GPC5: variants seen among roughly 807,000 people sequenced by gnomAD.
GPC5 encodes the protein glypican-5.
Under a neutral mutation model 53.9 loss-of-function variants are expected in GPC5, and 47 were observed. That is an observed-to-expected ratio of 0.87 (90% confidence interval 0.69 to 1.11). The LOEUF (loss-of-function observed/expected upper bound fraction) is 1.11. Among genes scored for constraint, GPC5 ranks in the 50% most tolerant of loss-of-function variants. GPC5 has a pLI of 0.00. For synonymous variants in GPC5, 286 were observed against 263.3 expected (o/e 1.09, Z -0.84); for missense variants, 748 against 713.1 (o/e 1.05, Z -0.56).
At chr13:92,556,014 T>C (rs115714024) in intron 7 of GPC5, among the ~76,000 whole-genome samples, 1,998 of 151,818 alleles carry the variant, frequency 0.013, 38 homozygotes, top group African/African-American at 0.046. Flanking sequence ...TGAATCACTT[T>C]CAGTAACTTT....
At chr13:91,801,253 T>TTGTGTGTGTGTGTGTGTG (rs71113762) in intron 5 of GPC5, among the ~76,000 whole-genome samples, 4 of 146,298 alleles carry the variant, frequency 2.7e-5, no homozygotes, top group East Asian at 4.2e-4. Flanking sequence ...CATCCATACT[T>TTGTGTGTGTGTGTGTGTG]TGTGTGTGTG....
At chr13:92,215,353 C>G (rs904143802) in intron 7 of GPC5, among the ~76,000 whole-genome samples, 2 of 152,100 alleles carry the variant, frequency 1.3e-5, no homozygotes, top group South Asian at 4.1e-4. Context: ...CTTGCATCAC[C>G]CTTTTAATTG....
At chr13:92,841,768 T>C (rs907840853) in intron 7 of GPC5, among the ~76,000 whole-genome samples, 1 of 152,154 alleles carries the variant, frequency 6.6e-6, no homozygotes, top group African/African-American at 2.4e-5. Flanking sequence ...TTATATAATC[T>C]GTAAGTGCCT....
At chr13:91,713,214 T>C (rs1484608955) in intron 3 of GPC5, among the ~76,000 whole-genome samples, 1 of 150,682 alleles carries the variant, frequency 6.6e-6, no homozygotes, top group Non-Finnish European at 1.5e-5. Flanking sequence ...AATAAATAAA[T>C]AAATAAGTCA....
At chr13:92,100,668 A>G (rs2041459259) in intron 6 of GPC5, among the ~76,000 whole-genome samples, 1 of 152,178 alleles carries the variant, frequency 6.6e-6, no homozygotes, top group Admixed American at 6.5e-5. Flanking sequence ...TTGAATTGGC[A>G]TTTTATATCC....
At chr13:92,234,974 T>C (rs186072721) in intron 7 of GPC5, among the ~76,000 whole-genome samples, 3 of 152,152 alleles carry the variant, frequency 2.0e-5, no homozygotes, top group African/African-American at 4.8e-5. Context: ...AATAAATCCA[T>C]GAAAATCAAG....
rs141363771 is a variant in GPC5 at position 91,907,399 on chromosome 13, G to A, written c.1281-538G>A. Among the ~76,000 whole-genome samples, 1,203 of 137,154 alleles carry A rather than the reference G, an allele frequency of 8.8e-3. 7 individuals are homozygous for A. The highest frequency in any genetic ancestry group is 0.024 in the Middle Eastern group (6 of 254). 90.0% of individuals were successfully genotyped at this position (137,154 alleles called of 152,430 possible). A position where few individuals can be genotyped will look rare whatever the true frequency, so the allele number is the denominator to read the frequency against. On this transcript the variant is annotated intron_variant, in intron 5 of 7. Transcript: ENST00000377067. ...GAAATATATATATAATATATATTAGGCTAAGATATATGTACATGTATATAT... is the reference window on the plus strand; with the variant it reads ...GAAATATATATATAATATATATTAGACTAAGATATATGTACATGTATATAT...
intron 7 of GPC5, among the ~76,000 whole-genome samples, chr13:92,729,304 G>A (rs752489806): frequency 1.3e-5 from 2 of 151,148 alleles, no homozygotes; most frequent in South Asian, 2.1e-4. Flanking sequence ...CTAGATCCAC[G>A]CTATTCAATG....
intron 7 of GPC5, among the ~76,000 whole-genome samples, chr13:92,316,092 G>C (rs1402320357): frequency 6.6e-6 from 1 of 152,072 alleles, no homozygotes; most frequent in African/African-American, 2.4e-5. Context: ...TCTGCTCATT[G>C]ATTACACTTC....
At chr13:91,446,487 A>G (rs1481858249) in intron 1 of GPC5, among the ~76,000 whole-genome samples, 2 of 152,214 alleles carry the variant, frequency 1.3e-5, no homozygotes, top group Non-Finnish European at 2.9e-5. Context: ...GCTGTCTCAT[A>G]GAATTCTAGG....
chr13:92,233,793 T>C (rs2042549260), intron 7 of GPC5, among the ~76,000 whole-genome samples: 2 of 152,124 alleles, frequency 1.3e-5, no homozygotes, highest in African/African-American at 4.8e-5. Flanking sequence ...TATCTCCAAA[T>C]GCTATCCCTC....
chr13:91,491,701 G>A (rs560180917), intron 2 of GPC5, among the ~76,000 whole-genome samples: 10 of 152,106 alleles, frequency 6.6e-5, no homozygotes, highest in East Asian at 1.9e-4. Context: ...GCTTCCTCTG[G>A]TGACTGCTTG....
chr13:92,509,854 A>AT (rs1304365973), intron 7 of GPC5: 1 of 152,120 alleles, frequency 6.6e-6, no homozygotes, highest in Non-Finnish European at 1.5e-5. Context: ...AGAAATGAAT[A>AT]TTTTTGCTCA....
At chr13:92,026,051 G>C (rs2040798252) in intron 6 of GPC5, among the ~76,000 whole-genome samples, 4 of 152,086 alleles carry the variant, frequency 2.6e-5, no homozygotes. Flanking sequence ...TTCCGAGCAG[G>C]AGTAGAATTG....
chr13:92,381,876 ATG>A lies in GPC5; in HGVS notation c.1561+236888_1561+236889del, dbSNP rs2043745064. Among the ~76,000 whole-genome samples, 6 of 96,088 alleles carry A rather than the reference ATG, an allele frequency of 6.2e-5. No homozygotes were observed. In the Admixed American group the frequency reaches 6.7e-4, roughly 11 times the overall value. The allele number at this position is 96,088 out of a possible 152,430, so 63.0% of individuals were successfully genotyped here. The stretch of plus-strand genomic sequence containing the variant: ...ATATATGATTATATATATCATATAT[ATG>A]ATTATATATATTATATATAATCATA... On this transcript the variant is annotated intron_variant, in intron 7 of 7. Transcript: ENST00000377067.
chr13:92,460,553 T>C (rs996111686), intron 7 of GPC5, among the ~76,000 whole-genome samples: 3 of 152,178 alleles, frequency 2.0e-5, no homozygotes, highest in African/African-American at 7.2e-5. Flanking sequence ...ATTGAAGAAA[T>C]TTGAGTCCTT....
At position 92,560,649 on chromosome 13, in the gene GPC5, G is replaced by T. The variant is rs549704913; in HGVS notation, c.1562-305633G>T. Among the ~76,000 whole-genome samples the T allele has an allele frequency of 1.8e-4, 27 of 152,060 alleles. 1 individual carries two copies. In the South Asian group the frequency reaches 2.5e-3, roughly 14 times the overall value. The stretch of plus-strand genomic sequence containing the variant: ...CTCCATACCAGGCAAAAGGTGGAAA[G>T]GTCCCAGTTTAGAAACAGTCTCACC... On this transcript the variant is annotated intron_variant, in intron 7 of 7. Coordinates refer to ENST00000377067, the MANE Select transcript of GPC5 (RefSeq NM_004466.6).
intron 7 of GPC5, among the ~76,000 whole-genome samples, chr13:92,286,605 T>C (rs1489660738): frequency 1.3e-5 from 2 of 152,004 alleles, no homozygotes; most frequent in Non-Finnish European, 2.9e-5. Flanking sequence ...TGAAGCTGGA[T>C]ACCATTATTC....
intron 6 of GPC5, among the ~76,000 whole-genome samples, chr13:91,977,038 CAATAAATAAATAAATAAATAAATA>C (rs138005450): frequency 2.1e-5 from 3 of 141,732 alleles, no homozygotes; most frequent in Non-Finnish European, 3.1e-5. Context: ...GATTCTGTCT[CAATAAATAAATAAATAAATAAATA>C]AATAAATAAA....
Sources: allele counts gnomAD v4.1 joint callset (sites outside exome capture counted in the v4.1 genomes callset), GRCh38; gene constraint gnomAD v4.1.1; transcripts MANE v1.5; gene names NCBI Gene and HGNC (gene_info 2026-07-23, HGNC 2026-07-21).